Variants in ESRRG observed in about 807,000 individuals in gnomAD.
ESRRG encodes estrogen related receptor gamma.
ESRRG carries 13 observed loss-of-function variants against 44.0 expected under a neutral mutation model. The ratio of observed to expected loss-of-function variants is 0.30; its 90% confidence interval spans 0.19 to 0.47. The LOEUF is 0.47. Ranked by LOEUF, ESRRG falls within the 20% of genes least tolerant of loss-of-function variation. ESRRG has a pLI of 1.00. For missense variants in ESRRG, 395 were observed against 580.6 expected (o/e 0.68, Z 3.29); for synonymous variants, 215 against 214.6 (o/e 1.00, Z -0.02).
chr1:216,553,422 A>G (rs2056864422), intron 5 of ESRRG, among the ~76,000 whole-genome samples: 1 of 152,184 alleles, frequency 6.6e-6, no homozygotes, highest in South Asian at 2.1e-4. Context: ...CTGGACATTC[A>G]GTTTTCAACT....
At chr1:216,581,082 C>A (rs946496635) in intron 3 of ESRRG, among the ~76,000 whole-genome samples, 1 of 152,024 alleles carries the variant, frequency 6.6e-6, no homozygotes, top group Non-Finnish European at 1.5e-5. Flanking sequence ...AACATATAGA[C>A]AAAAAGTGAG....
chr1:216,735,307 C>A (rs528913502), intron 2 of ESRRG, among the ~76,000 whole-genome samples: 51 of 151,590 alleles, frequency 3.4e-4, no homozygotes, highest in Non-Finnish European at 5.9e-4. Context: ...CTCCTGTGCT[C>A]AAGTGATCCT....
chr1:216,730,305 T>TAAAAAAAAAA (rs11445965), intron 2 of ESRRG, among the ~76,000 whole-genome samples: 6 of 121,382 alleles, frequency 4.9e-5, no homozygotes, highest in Admixed American at 8.7e-5. Flanking sequence ...CTTAGAAAGG[T>TAAAAAAAAAA]AAAAAAAAAA....
intron 5 of ESRRG, among the ~76,000 whole-genome samples, chr1:216,548,013 A>T (rs1302822151): frequency 6.6e-6 from 1 of 152,056 alleles, no homozygotes; most frequent in Non-Finnish European, 1.5e-5. Context: ...GGGTTCCTTG[A>T]GCTACGTGGG....
chr1:216,924,950 C>A (rs2062336344), intron 2 of ESRRG, among the ~76,000 whole-genome samples: 1 of 152,136 alleles, frequency 6.6e-6, no homozygotes. Context: ...CTCTCCCCAG[C>A]ATACCCCAAA....
chr1:216,849,787 C>T (rs867587796), intron 2 of ESRRG, among the ~76,000 whole-genome samples: 9 of 152,174 alleles, frequency 5.9e-5, no homozygotes, highest in Middle Eastern at 3.4e-3. Context: ...TTTCTGGATT[C>T]CTTTGAAGTA....
chr1:216,590,433 T>A (rs2057455462), intron 3 of ESRRG, among the ~76,000 whole-genome samples: 1 of 152,196 alleles, frequency 6.6e-6, no homozygotes, highest in South Asian at 2.1e-4. Context: ...ATTTATGTAA[T>A]GATGTCACAT....
intron 1 of ESRRG, among the ~76,000 whole-genome samples, chr1:216,953,094 G>A (rs1285638293): frequency 2.6e-5 from 4 of 152,108 alleles, no homozygotes; most frequent in Admixed American, 6.6e-5. Flanking sequence ...GAGCTTTTCT[G>A]ACAGCCAGTC....
intron 2 of ESRRG, among the ~76,000 whole-genome samples, chr1:216,739,265 A>G (rs1381428357): frequency 1.1e-4 from 3 of 27,468 alleles, no homozygotes; most frequent in Non-Finnish European, 2.7e-4. Context: ...CATTAAAGTG[A>G]AAAAAAAAAA....
At chr1:216,574,874 G>A (rs1489172450) in intron 3 of ESRRG, among the ~76,000 whole-genome samples, 1 of 152,092 alleles carries the variant, frequency 6.6e-6, no homozygotes, top group Non-Finnish European at 1.5e-5. Flanking sequence ...TGCACTATAT[G>A]TTTTCCTGAT....
At chr1:217,109,290 A>C (rs1008935054) in intron 1 of ESRRG, among the ~76,000 whole-genome samples, 4 of 152,314 alleles carry the variant, frequency 2.6e-5, no homozygotes, top group Admixed American at 2.6e-4. Context: ...TTTAAACACT[A>C]TGCAAGCCCA....
chr1:217,094,069 G>A (rs558761180), upstream of ESRRG, among the ~76,000 whole-genome samples: 8 of 151,876 alleles, frequency 5.3e-5, no homozygotes, highest in African/African-American at 1.9e-4. Flanking sequence ...CTTTTTTGTA[G>A]AGATGAGGCC....
At chr1:217,076,209 G>T (rs1324467028) in intron 1 of ESRRG, among the ~76,000 whole-genome samples, 1 of 152,132 alleles carries the variant, frequency 6.6e-6, no homozygotes, top group African/African-American at 2.4e-5. Flanking sequence ...CCTTGAGACT[G>T]TGACTCTGAG....
At chr1:217,060,644 C>T (rs932757825) in intron 1 of ESRRG, among the ~76,000 whole-genome samples, 2 of 152,164 alleles carry the variant, frequency 1.3e-5, no homozygotes, top group South Asian at 4.1e-4. Context: ...GAAATCCACT[C>T]ACTGTGCCAT....
At chr1:216,853,478 T>G (rs2095871098) in intron 2 of ESRRG, among the ~76,000 whole-genome samples, 1 of 152,196 alleles carries the variant, frequency 6.6e-6, no homozygotes, top group Non-Finnish European at 1.5e-5. Context: ...TTAGCAATTA[T>G]ACTCAGTTTC....
chr1:216,915,602 A>G (rs542319529), intron 2 of ESRRG, among the ~76,000 whole-genome samples: 50 of 152,050 alleles, frequency 3.3e-4, no homozygotes, highest in Middle Eastern at 3.4e-3. Flanking sequence ...AAACAAACAA[A>G]CCCTGGAAAT....
At chr1:217,119,048 TAGA>T (rs879498895) in intron 1 of ESRRG, among the ~76,000 whole-genome samples, 2,960 of 137,002 alleles carry the variant, frequency 0.022, 40 homozygotes, top group African/African-American at 0.025. Flanking sequence ...GATAGATAGA[TAGA>T]GACACAGATA....
At chr1:216,852,832 G>C (rs1478121965) in intron 2 of ESRRG, among the ~76,000 whole-genome samples, 1 of 149,508 alleles carries the variant, frequency 6.7e-6, no homozygotes, top group African/African-American at 2.5e-5. Flanking sequence ...TTCCCACCAG[G>C]GCTCTTTCCA....
At chr1:217,017,954 G>T (rs1400215450) in intron 1 of ESRRG, among the ~76,000 whole-genome samples, 1 of 152,134 alleles carries the variant, frequency 6.6e-6, no homozygotes, top group African/African-American at 2.4e-5. Context: ...AATATAAATT[G>T]CCTGCTGTCA....
Sources: gnomAD v4.1 joint callset for allele counts (sites outside exome capture counted in the v4.1 genomes callset) on GRCh38, gnomAD v4.1.1 for gene constraint, MANE v1.5 for transcripts, NCBI Gene and HGNC (gene_info 2026-07-23, HGNC 2026-07-21) for gene names.